MICU3: variants seen among roughly 807,000 people sequenced by gnomAD.
MICU3 encodes the protein mitochondrial calcium uptake 3.
Under a neutral mutation model 66.5 loss-of-function variants are expected in MICU3, and 62 were observed. That is an observed-to-expected ratio of 0.93 (90% CI 0.76 to 1.15). MICU3 has a LOEUF of 1.15. MICU3 is among the 50% of genes most tolerant of loss of function. The pLI, the probability that MICU3 is intolerant of heterozygous loss-of-function variation, is 0.00. For synonymous variants in MICU3, 308 were observed against 240.7 expected (o/e 1.28, Z -2.59); for missense variants, 779 against 664.4 (o/e 1.17, Z -1.90).
chr8:17,128,450 G>C, the MICU3 span, among the ~76,000 whole-genome samples: 1 of 152,114 alleles, frequency 6.6e-6, no homozygotes, highest in Non-Finnish European at 1.5e-5. Flanking sequence ...CAGAATACAG[G>C]CTATATGTGA....
Position 17,090,600 on chromosome 8 carries a change from T to C in MICU3, c.888+16T>C, listed in dbSNP as rs1740562656. 6.3e-7 allele frequency: 1 copy of C among 1,585,600 alleles called. No individual in the cohort carries two copies. The highest frequency in any genetic ancestry group is 8.6e-7 in the Non-Finnish European group (1 of 1,160,122). Reference sequence around the variant, plus strand: ...TACTAATAGTGTATGTACAATACTTTAAATGTTCTTTATGTATATAGCCCT... The same window carrying C: ...TACTAATAGTGTATGTACAATACTTCAAATGTTCTTTATGTATATAGCCCT... On this transcript the variant is annotated intron_variant, in intron 8 of 14. Transcript: ENST00000318063.
At chr8:17,030,376 C>A (rs1811810637) in intron 1 of MICU3, among the ~76,000 whole-genome samples, 1 of 152,212 alleles carries the variant, frequency 6.6e-6, no homozygotes, top group Admixed American at 6.5e-5. Context: ...GAAAGGGCTT[C>A]TTATTAGTGT....
At chr8:17,118,155 A>G (rs1802863797) in intron 13 of MICU3, among the ~76,000 whole-genome samples, 1 of 152,206 alleles carries the variant, frequency 6.6e-6, no homozygotes, top group Admixed American at 6.5e-5. Flanking sequence ...ATCAAATTAA[A>G]TATAAAGTAC....
intron 5 of MICU3, among the ~76,000 whole-genome samples, chr8:17,083,711 C>A (rs1196109864): frequency 6.6e-6 from 1 of 150,440 alleles, no homozygotes; most frequent in Non-Finnish European, 1.5e-5. Flanking sequence ...TGAGGTTGAT[C>A]CATTCTGCAA....
At chr8:17,134,172 A>G in the MICU3 span, 1 of 152,232 alleles carries the variant, frequency 6.6e-6, no homozygotes, top group Non-Finnish European at 1.5e-5. Flanking sequence ...ATGTACATAA[A>G]GAGATTTATT....
chr8:17,027,363 G>T lies in MICU3; in HGVS notation c.84G>T (p.Trp28Cys). The T allele has an allele frequency of 6.7e-7, 1 of 1,501,768 alleles. No individual in the cohort carries two copies. The allele number at this position is 1,501,768 out of a possible 1,614,324, so 93.0% of individuals were successfully genotyped here. ...CTCACCAGCCCCTCCTTGGGCCGTG[G>T]GGGCGGCCTGCGGTGACCACCCTGG... ...LCAHQPLLGP[W>C]GRPAVTTLGL... Residue 28 changes from tryptophan to cysteine, a missense_variant, in exon 1 of 15, where the codon TGG becomes TGT. Coordinates refer to ENST00000318063, the MANE Select transcript of MICU3 (RefSeq NM_181723.3).
chr8:17,094,195 T>G (rs886398966), intron 8 of MICU3, among the ~76,000 whole-genome samples: 55 of 152,188 alleles, frequency 3.6e-4, no homozygotes, highest in African/African-American at 1.2e-3. Context: ...CCCAACGTCA[T>G]GATTGCCAGT....
chr8:17,137,840 C>T, the MICU3 span, among the ~76,000 whole-genome samples: 1 of 151,192 alleles, frequency 6.6e-6, no homozygotes, highest in African/African-American at 2.4e-5. Context: ...CCTCAGCCTC[C>T]TGAGTAGCTG....
In MICU3 at chr8:17,105,674, C is replaced by T. The variant is rs1443500335; in HGVS notation, c.1257+90C>T. 8 of 651,696 alleles carry T rather than the reference C, an allele frequency of 1.2e-5. No individual in the cohort carries two copies. The Admixed American group carries it at 1.9e-4, about 16-fold the overall frequency. 40.4% of individuals were successfully genotyped at this position (651,696 alleles called of 1,614,324 possible). A position where few individuals can be genotyped will look rare whatever the true frequency, so the allele number is the denominator to read the frequency against. ...TGCCCTTTTGTTAGTTCTTTGGCTT[C>T]TCTGTGGATTAAAAGATATCTTGGA... On this transcript the variant is annotated intron_variant, in intron 11 of 14. Coordinates refer to ENST00000318063, the MANE Select transcript of MICU3 (RefSeq NM_181723.3).
chr8:17,077,652 A>G, intron 3 of MICU3, 131 bp from the exon 4 acceptor site: 1 of 591,550 alleles, frequency 1.7e-6, no homozygotes, highest in East Asian at 2.9e-5. Context: ...CACAGGCATA[A>G]CATAGGATAA....
intron 1 of MICU3, among the ~76,000 whole-genome samples, chr8:17,054,692 G>C (rs919206912): frequency 1.3e-5 from 2 of 151,608 alleles, no homozygotes; most frequent in African/African-American, 4.8e-5. Flanking sequence ...AACATTCAAG[G>C]ACTGAGGACC....
downstream of MICU3, among the ~76,000 whole-genome samples, chr8:17,126,051 A>C (rs1366151712): frequency 6.6e-6 from 1 of 151,286 alleles, no homozygotes; most frequent in Non-Finnish European, 1.5e-5. Context: ...AAAAAAAAAA[A>C]ACCTCTCTCT....
chr8:17,056,543 T>G (rs1816959709), intron 1 of MICU3, among the ~76,000 whole-genome samples: 1 of 152,188 alleles, frequency 6.6e-6, no homozygotes, highest in African/African-American at 2.4e-5. Flanking sequence ...AATTCATGAT[T>G]GAATGGAAGA....
intron 4 of MICU3, among the ~76,000 whole-genome samples, chr8:17,078,178 A>G (rs1158406782): frequency 6.6e-6 from 1 of 151,958 alleles, no homozygotes; most frequent in African/African-American, 2.4e-5. Flanking sequence ...TATATTTTAT[A>G]TTTACCCAAA....
At chr8:17,039,505 C>T (rs1326037361) in intron 1 of MICU3, among the ~76,000 whole-genome samples, 1 of 152,180 alleles carries the variant, frequency 6.6e-6, no homozygotes, top group African/African-American at 2.4e-5. Flanking sequence ...GCCTGACCAT[C>T]TAATAGAGTC....
At chr8:17,131,028 A>G in the MICU3 span, among the ~76,000 whole-genome samples, 6 of 152,358 alleles carry the variant, frequency 3.9e-5, no homozygotes, top group African/African-American at 1.2e-4. Flanking sequence ...GAGTGGCTGT[A>G]TTAACATCAG....
At chr8:17,054,613 T>A (rs1816610219) in intron 1 of MICU3, among the ~76,000 whole-genome samples, 2 of 152,134 alleles carry the variant, frequency 1.3e-5, no homozygotes, top group Non-Finnish European at 2.9e-5. Flanking sequence ...CTGTTCAGTC[T>A]CCCTTAGGTA....
intron 11 of MICU3, among the ~76,000 whole-genome samples, chr8:17,107,620 C>T (rs948844976): frequency 3.3e-5 from 5 of 152,148 alleles, no homozygotes; most frequent in Non-Finnish European, 5.9e-5. Context: ...TGTATTGGAA[C>T]ACAGCCATTC....
At chr8:17,050,761 T>C (rs1055264076) in intron 1 of MICU3, among the ~76,000 whole-genome samples, 6 of 152,222 alleles carry the variant, frequency 3.9e-5, no homozygotes, top group Non-Finnish European at 5.9e-5. Context: ...TCCATGTATT[T>C]TTTAACATTC....
Sources: gnomAD v4.1 joint callset for allele counts (sites outside exome capture counted in the v4.1 genomes callset) on GRCh38, gnomAD v4.1.1 for gene constraint, MANE v1.5 for transcripts, NCBI Gene and HGNC (gene_info 2026-07-23, HGNC 2026-07-21) for gene names.